The following CENPP variants were observed in gnomAD, a reference collection of about 807,000 sequenced individuals.
CENPP encodes centromere protein P.
CENPP carries 24 observed loss-of-function variants against 35.6 expected under a neutral mutation model. That is an observed-to-expected ratio of 0.67 (90% CI 0.49 to 0.95). CENPP has a LOEUF of 0.95. Ranked by LOEUF, CENPP falls within the 40% of genes least tolerant of loss-of-function variation. The pLI is 0.00. For missense variants in CENPP, 332 were observed against 345.3 expected (o/e 0.96, Z 0.31); for synonymous variants, 120 against 125.5 (o/e 0.96, Z 0.29).
At chr9:92,464,346 A>G (rs1442952976) in intron 5 of CENPP, among the ~76,000 whole-genome samples, 2 of 152,194 alleles carry the variant, frequency 1.3e-5, no homozygotes, top group Admixed American at 1.3e-4. Flanking sequence ...CATCTTGGTA[A>G]TGATTATGTC....
intron 5 of CENPP, among the ~76,000 whole-genome samples, chr9:92,543,888 A>G (rs1292438535): frequency 1.3e-5 from 2 of 152,156 alleles, no homozygotes; most frequent in Non-Finnish European, 2.9e-5. Context: ...TTGATTTTGT[A>G]TCTTGCAAAC....
intron 5 of CENPP, among the ~76,000 whole-genome samples, chr9:92,409,917 C>CTTTGT (rs1393394184): frequency 6.6e-6 from 1 of 151,916 alleles, no homozygotes; most frequent in South Asian, 2.1e-4. Context: ...TGAGGTTTTT[C>CTTTGT]TTTGTTTTGT....
At chr9:92,464,543 T>C (rs1042792784) in intron 5 of CENPP, among the ~76,000 whole-genome samples, 5 of 152,248 alleles carry the variant, frequency 3.3e-5, no homozygotes, top group African/African-American at 1.2e-4. Context: ...AAACTGTGGC[T>C]AAATGCCTGG....
At chr9:92,603,082 C>A (rs1004435212) in intron 5 of CENPP, among the ~76,000 whole-genome samples, 5 of 152,210 alleles carry the variant, frequency 3.3e-5, no homozygotes, top group Admixed American at 2.0e-4. Flanking sequence ...AGCCACCACA[C>A]CCAGCCTCAA....
chr9:92,439,908 T>C (rs1218552564), intron 5 of CENPP, among the ~76,000 whole-genome samples: 2 of 152,344 alleles, frequency 1.3e-5, no homozygotes, highest in South Asian at 4.1e-4. Context: ...CTGTTACTTA[T>C]GTTTATTCAA....
chr9:92,339,627 A>G (rs1451074182), intron 3 of CENPP: 1 of 152,810 alleles, frequency 6.5e-6, no homozygotes, highest in African/African-American at 2.4e-5. Flanking sequence ...CAGCATGTTC[A>G]ATGTGTCAGG....
At chr9:92,385,917 T>A in intron 5 of CENPP, 1 of 834,440 alleles carries the variant, frequency 1.2e-6, no homozygotes, top group Non-Finnish European at 1.9e-6. Flanking sequence ...TGTGTCAAAT[T>A]AATTAGGAAA....
At chr9:92,551,993 GATATATATGTGT>G (rs1283531850) in intron 5 of CENPP, among the ~76,000 whole-genome samples, 1 of 127,484 alleles carries the variant, frequency 7.8e-6, no homozygotes, top group Non-Finnish European at 1.7e-5. Flanking sequence ...GTATATATGT[GATATATATGTGT>G]ATATATATGA....
intron 5 of CENPP, chr9:92,535,924 CT>C: frequency 8.5e-6 from 4 of 468,468 alleles, no homozygotes; most frequent in South Asian, 4.8e-5. Context: ...AAATTTAAAA[CT>C]TTTTTACCTG....
At chr9:92,333,063 G>A (rs1588032654) in intron 2 of CENPP, among the ~76,000 whole-genome samples, 1 of 152,252 alleles carries the variant, frequency 6.6e-6, no homozygotes, top group South Asian at 2.1e-4. Flanking sequence ...TATTTTAGCA[G>A]CTGGACCTTT....
At chr9:92,347,769 T>C (rs1841332622) in intron 4 of CENPP, among the ~76,000 whole-genome samples, 1 of 152,220 alleles carries the variant, frequency 6.6e-6, no homozygotes, top group Non-Finnish European at 1.5e-5. Context: ...AACAACAGTA[T>C]ACTTTCCATT....
chr9:92,578,092 T>C (rs1414479726), intron 5 of CENPP, among the ~76,000 whole-genome samples: 1 of 152,020 alleles, frequency 6.6e-6, no homozygotes, highest in African/African-American at 2.4e-5. Context: ...GAATGATTAT[T>C]TCCAATTTTA....
intron 5 of CENPP, among the ~76,000 whole-genome samples, chr9:92,413,116 C>G (rs1843492670): frequency 6.6e-6 from 1 of 150,792 alleles, no homozygotes; most frequent in Non-Finnish European, 1.5e-5. Context: ...TCGCAAGTAG[C>G]CGGGATTACA....
At chr9:92,537,748 G>A (rs563819576) in intron 5 of CENPP, among the ~76,000 whole-genome samples, 1 of 152,278 alleles carries the variant, frequency 6.6e-6, no homozygotes, top group South Asian at 2.1e-4. Flanking sequence ...AATGTCAGTG[G>A]TCAATAAAAC....
chr9:92,484,135 C>T (rs911339741), intron 5 of CENPP, among the ~76,000 whole-genome samples: 3 of 152,010 alleles, frequency 2.0e-5, no homozygotes, highest in African/African-American at 4.8e-5. Flanking sequence ...TCAGTTTGTC[C>T]TGCACAATGT....
intron 5 of CENPP, among the ~76,000 whole-genome samples, chr9:92,587,219 C>G (rs766090187): frequency 7.9e-5 from 12 of 152,190 alleles, no homozygotes; most frequent in Non-Finnish European, 1.8e-4. Flanking sequence ...CCTGTAATCC[C>G]AGCACTTTGG....
At chr9:92,357,706 T>C (rs930861505) in intron 4 of CENPP, among the ~76,000 whole-genome samples, 7 of 151,970 alleles carry the variant, frequency 4.6e-5, no homozygotes, top group African/African-American at 1.7e-4. Flanking sequence ...CCATGTTGGT[T>C]AGGCTTATCT....
At chr9:92,353,140 A>G (rs1841506252) in intron 4 of CENPP, among the ~76,000 whole-genome samples, 1 of 152,248 alleles carries the variant, frequency 6.6e-6, no homozygotes, top group African/African-American at 2.4e-5. Flanking sequence ...CACATGATAA[A>G]GGAAAAAGGA....
intron 5 of CENPP, among the ~76,000 whole-genome samples, chr9:92,604,898 T>A (rs1454012671): frequency 6.6e-6 from 1 of 152,094 alleles, no homozygotes; most frequent in Non-Finnish European, 1.5e-5. Context: ...CCGGCCTGCA[T>A]TTTTATTTAA....
Sources: allele counts gnomAD v4.1 joint callset (sites outside exome capture counted in the v4.1 genomes callset), GRCh38; gene constraint gnomAD v4.1.1; transcripts MANE v1.5; gene names NCBI Gene and HGNC (gene_info 2026-07-23, HGNC 2026-07-21).